The following PKIB variants were observed in gnomAD, a reference collection of about 807,000 sequenced individuals.
PKIB encodes the protein cAMP-dependent protein kinase inhibitor beta.
In PKIB, 2 loss-of-function variants were observed where a neutral mutation model predicts 4.5. That is an observed-to-expected ratio of 0.44 (90% confidence interval 0.18 to 1.39). PKIB has a LOEUF of 1.39. PKIB is among the 40% of genes most tolerant of loss of function. The pLI, the probability that PKIB is intolerant of heterozygous loss-of-function variation, is 0.27. For synonymous variants in PKIB, 38 were observed against 36.0 expected (o/e 1.06, Z -0.20); for missense variants, 94 against 92.6 (o/e 1.02, Z -0.06).
intron 3 of PKIB, among the ~76,000 whole-genome samples, chr6:122,596,830 A>G (rs1369263469): frequency 6.6e-6 from 1 of 152,208 alleles, no homozygotes; most frequent in Non-Finnish European, 1.5e-5. Flanking sequence ...CAGATTGCAC[A>G]GCAGCCTGGA....
At chr6:122,618,999 T>C (rs895220254) in intron 1 of PKIB, among the ~76,000 whole-genome samples, 3 of 152,170 alleles carry the variant, frequency 2.0e-5, no homozygotes, top group African/African-American at 7.2e-5. Context: ...AAAATATAGC[T>C]ACATTTGTAT....
intron 2 of PKIB, among the ~76,000 whole-genome samples, chr6:122,647,215 T>G (rs1007119679): frequency 6.6e-6 from 1 of 152,220 alleles, no homozygotes; most frequent in Admixed American, 6.5e-5. Context: ...AGGAAAAACC[T>G]CAGTTCTGCT....
At chr6:122,608,113 C>G (rs1333006837), upstream of PKIB, among the ~76,000 whole-genome samples, 1 of 152,194 alleles carries the variant, frequency 6.6e-6, no homozygotes, top group Non-Finnish European at 1.5e-5. Flanking sequence ...CTTTGTACTT[C>G]TAAAACTTCA....
At chr6:122,682,665 C>G (rs974978792) in intron 3 of PKIB, among the ~76,000 whole-genome samples, 14 of 152,036 alleles carry the variant, frequency 9.2e-5, no homozygotes, top group African/African-American at 3.4e-4. Flanking sequence ...ATTAATCTAT[C>G]CTGGGTGCTG....
At chr6:122,602,798 AC>A (rs1774415538) in intron 3 of PKIB, among the ~76,000 whole-genome samples, 1 of 151,910 alleles carries the variant, frequency 6.6e-6, no homozygotes, top group Non-Finnish European at 1.5e-5. Context: ...AACAAAAAAA[AC>A]AAAAAAATTA....
chr6:122,718,399 G>GT (rs1779588953), intron 4 of PKIB, among the ~76,000 whole-genome samples: 1 of 152,126 alleles, frequency 6.6e-6, no homozygotes, highest in South Asian at 2.1e-4. Context: ...AATCTAGGAA[G>GT]AAGTTTACTA....
intron 2 of PKIB, among the ~76,000 whole-genome samples, chr6:122,555,210 G>A (rs151151646): frequency 1.8e-3 from 279 of 152,308 alleles, no homozygotes; most frequent in Non-Finnish European, 3.5e-3. Flanking sequence ...TATTTGAGTT[G>A]AGTCTCGAGG....
chr6:122,601,488 C>G (rs910708206), intron 3 of PKIB, among the ~76,000 whole-genome samples: 1 of 152,094 alleles, frequency 6.6e-6, no homozygotes, highest in Admixed American at 6.6e-5. Context: ...GAAAAGGGAT[C>G]TCCATCAAGT....
chr6:122,709,021 C>A (rs1779169759), intron 3 of PKIB, among the ~76,000 whole-genome samples: 1 of 152,168 alleles, frequency 6.6e-6, no homozygotes, highest in Non-Finnish European at 1.5e-5. Context: ...AATTGATATT[C>A]ATAATGATAC....
chr6:122,601,477 A>G (rs1774361205), intron 3 of PKIB, among the ~76,000 whole-genome samples: 1 of 152,140 alleles, frequency 6.6e-6, no homozygotes, highest in Admixed American at 6.5e-5. Flanking sequence ...TTACTACTCA[A>G]GAAAAGGGAT....
chr6:122,589,604 C>T (rs995167061), intron 3 of PKIB, among the ~76,000 whole-genome samples: 4 of 152,034 alleles, frequency 2.6e-5, no homozygotes, highest in Non-Finnish European at 4.4e-5. Flanking sequence ...GGTTAAAGCA[C>T]ATTATCCAAT....
rs1339996179 is a variant in PKIB at position 122,610,420 on chromosome 6, C to A, written c.-276C>A. On this transcript the variant is annotated 5_prime_UTR_variant, in exon 1 of 5. Coordinates refer to ENST00000368452, the MANE Select transcript of PKIB (RefSeq NM_181795.3). ...CCAGTAGCTCAGACGCGGCCGCATCCCGGTGGACTGTAGAGGCGGCAGCGA... is the reference window on the plus strand; with the variant it reads ...CCAGTAGCTCAGACGCGGCCGCATCACGGTGGACTGTAGAGGCGGCAGCGA... 6.6e-6 allele frequency: 1 copy of A among 152,244 alleles called. No individual in the cohort carries two copies. Among genetic ancestry groups the A allele is most frequent in the Non-Finnish European group, 1.5e-5 (1 of 68,078 alleles). 9.4% of individuals were successfully genotyped at this position (152,244 alleles called of 1,614,324 possible). A position where few individuals can be genotyped will look rare whatever the true frequency, so the allele number is the denominator to read the frequency against.
intron 2 of PKIB, among the ~76,000 whole-genome samples, chr6:122,634,101 A>G (rs1775816369): frequency 6.6e-6 from 1 of 152,090 alleles, no homozygotes; most frequent in East Asian, 1.9e-4. Context: ...TCAGTTTGTA[A>G]CAAGGAACAG....
At chr6:122,531,155 T>G (rs1271127436) in intron 2 of PKIB, 2 of 152,192 alleles carry the variant, frequency 1.3e-5, no homozygotes, top group Non-Finnish European at 2.9e-5. Flanking sequence ...AAAAATTGAA[T>G]TATTGCCTCT....
At chr6:122,689,265 A>G (rs1399132124) in intron 3 of PKIB, among the ~76,000 whole-genome samples, 2 of 151,950 alleles carry the variant, frequency 1.3e-5, no homozygotes, top group Admixed American at 1.3e-4. Flanking sequence ...AATTCCATTT[A>G]CTTCTGCTCT....
At chr6:122,496,063 G>C (rs1776069470) in intron 2 of PKIB, among the ~76,000 whole-genome samples, 1 of 152,106 alleles carries the variant, frequency 6.6e-6, no homozygotes, top group African/African-American at 2.4e-5. Context: ...CAGGGCACCA[G>C]GTACTTCACT....
At chr6:122,695,733 TA>T (rs1778544524) in intron 3 of PKIB, among the ~76,000 whole-genome samples, 1 of 152,134 alleles carries the variant, frequency 6.6e-6, no homozygotes, top group Non-Finnish European at 1.5e-5. Context: ...TGAAATTTTT[TA>T]AAATCCATGT....
chr6:122,523,827 T>C (rs1777019502), intron 2 of PKIB, among the ~76,000 whole-genome samples: 1 of 151,854 alleles, frequency 6.6e-6, no homozygotes, highest in African/African-American at 2.4e-5. Context: ...CTCTCTTTCC[T>C]GCCGCCATGT....
chr6:122,611,096 G>A (rs1385947494), intron 1 of PKIB, among the ~76,000 whole-genome samples: 1 of 152,212 alleles, frequency 6.6e-6, no homozygotes, highest in African/African-American at 2.4e-5. Context: ...AGGGTCGCCC[G>A]TAGCTATTGG....
Sources: allele counts gnomAD v4.1 joint callset (sites outside exome capture counted in the v4.1 genomes callset), GRCh38; gene constraint gnomAD v4.1.1; transcripts MANE v1.5; gene names NCBI Gene and HGNC (gene_info 2026-07-23, HGNC 2026-07-21).